NIPBL: variants seen among roughly 807,000 people sequenced by gnomAD.
NIPBL encodes the protein NIPBL cohesin loading factor.
NIPBL carries 19 observed loss-of-function variants against 321.8 expected under a neutral mutation model. That is an observed-to-expected ratio of 0.06 (90% CI 0.04 to 0.09). The LOEUF (loss-of-function observed/expected upper bound fraction) is 0.09, where lower values mean the gene tolerates loss of function less well. Ranked by LOEUF, NIPBL falls within the 10% of genes least tolerant of loss-of-function variation. The pLI, the probability that NIPBL is intolerant of heterozygous loss-of-function variation, is 1.00. For synonymous variants in NIPBL, 1,106 were observed against 1,114.1 expected (o/e 0.99, Z 0.14); for missense variants, 2,210 against 3,327.0 (o/e 0.66, Z 8.26).
At chr5:37,026,594 G>A (rs1750296031) in intron 31 of NIPBL, among the ~76,000 whole-genome samples, 1 of 152,092 alleles carries the variant, frequency 6.6e-6, no homozygotes, top group Non-Finnish European at 1.5e-5. Context: ...AAACAGGGAG[G>A]GAAAGGAGAA....
chr5:36,924,831 C>G (rs189274559), intron 1 of NIPBL, among the ~76,000 whole-genome samples: 1 of 152,188 alleles, frequency 6.6e-6, no homozygotes, highest in Non-Finnish European at 1.5e-5. Flanking sequence ...CCACCCCAGA[C>G]GTTTCCATTT....
chr5:36,958,579 GTA>G (rs926298969), intron 4 of NIPBL, among the ~76,000 whole-genome samples: 3 of 151,986 alleles, frequency 2.0e-5, no homozygotes, highest in African/African-American at 7.3e-5. Context: ...ATTGTAGCAG[GTA>G]TATAGAGTTT....
At chr5:36,947,683 A>T (rs459189) in intron 1 of NIPBL, among the ~76,000 whole-genome samples, 1 of 151,926 alleles carries the variant, frequency 6.6e-6, no homozygotes, top group African/African-American at 2.4e-5. Context: ...AGACTTACTA[A>T]TTTTTTTATT....
intron 11 of NIPBL, among the ~76,000 whole-genome samples, chr5:36,999,578 A>G (rs1746546507): frequency 6.6e-6 from 1 of 152,156 alleles, no homozygotes; most frequent in African/African-American, 2.4e-5. Flanking sequence ...TTGCCAGTTG[A>G]TGAGAGTTGA....
chr5:36,942,734 CAAA>C (rs34936238), intron 1 of NIPBL, among the ~76,000 whole-genome samples: 2 of 94,390 alleles, frequency 2.1e-5, no homozygotes. Context: ...GACTCTGTCT[CAAA>C]AAAAAAAAAA....
At chr5:37,062,253 A>G (rs182955973) in intron 45 of NIPBL, among the ~76,000 whole-genome samples, 1 of 152,380 alleles carries the variant, frequency 6.6e-6, no homozygotes, top group Admixed American at 6.5e-5. Context: ...AGAAAAATAC[A>G]TGGCTTATAT....
intron 1 of NIPBL, among the ~76,000 whole-genome samples, chr5:36,882,794 A>G (rs1338501309): frequency 6.6e-6 from 1 of 151,858 alleles, no homozygotes; most frequent in African/African-American, 2.4e-5. Context: ...GAAGTTAGTG[A>G]CACTGTTTTT....
intron 6 of NIPBL, among the ~76,000 whole-genome samples, chr5:36,968,684 G>A (rs1318085157): frequency 6.6e-6 from 1 of 152,128 alleles, no homozygotes; most frequent in Non-Finnish European, 1.5e-5. Flanking sequence ...AATACAGCAA[G>A]ACCCCATCTG....
Position 36,976,014 on chromosome 5 carries a change from C to T in NIPBL, c.1107C>T (p.Asp369=), listed in dbSNP as rs755805311. The change falls in exon 9 of 47, where the codon GAC becomes GAT. Residue 369 remains aspartate (D), a synonymous_variant. Transcript: ENST00000282516. Reference sequence around the variant, plus strand: ...GACTTTCTCGTGTAAGGTCTTCAGACATGGACCAGCAAGAGGATATGATTT... The same window carrying T: ...GACTTTCTCGTGTAAGGTCTTCAGATATGGACCAGCAAGAGGATATGATTT... ...TLRLSRVRSS[D]MDQQEDMISG... is the part of the protein sequence containing the mutation. 6.2e-7 allele frequency: 1 copy of T among 1,614,034 alleles called. No homozygotes were observed. The highest frequency in any genetic ancestry group is 8.5e-7 in the Non-Finnish European group (1 of 1,179,948).
At chr5:37,043,166 C>T (rs1752623788) in intron 34 of NIPBL, among the ~76,000 whole-genome samples, 1 of 152,130 alleles carries the variant, frequency 6.6e-6, no homozygotes, top group African/African-American at 2.4e-5. Context: ...GTGGCCAAGG[C>T]AGGAGGATCA....
chr5:36,898,980 G>A (rs1746999912), intron 1 of NIPBL, among the ~76,000 whole-genome samples: 1 of 152,076 alleles, frequency 6.6e-6, no homozygotes, highest in Non-Finnish European at 1.5e-5. Context: ...ATTTAAAGTA[G>A]AATTTTAAAA....
chr5:36,882,603 A>G (rs1399182973), intron 1 of NIPBL, among the ~76,000 whole-genome samples: 1 of 151,978 alleles, frequency 6.6e-6, no homozygotes. Flanking sequence ...CTCTTTTTAC[A>G]GAGGAAATTG....
At position 36,958,183 on chromosome 5, in the gene NIPBL, C is replaced by G. The variant is rs772009624; in HGVS notation, c.310C>G (p.Pro104Ala). 14 of 1,613,878 alleles carry G rather than the reference C, an allele frequency of 8.7e-6. No individual in the cohort carries two copies. In the Admixed American group the frequency reaches 2.3e-4, roughly 27 times the overall value. Residue 104 changes from proline (P) to alanine (A), a missense_variant, in exon 4 of 47, where the codon CCT becomes GCT. Transcript: ENST00000282516. ...GTTGCAGGCCGTCCTGGCAAGGAGT[C>G]CTAATGTTTTCAGGGAGAAAAGCAT... ...VLLQAVLARSPNVFREKSMQN... is the reference protein window; with the variant it reads ...VLLQAVLARSANVFREKSMQN...
intron 10 of NIPBL, among the ~76,000 whole-genome samples, chr5:36,987,504 T>G (rs1357678185): frequency 6.6e-6 from 1 of 152,178 alleles, no homozygotes; most frequent in Non-Finnish European, 1.5e-5. Flanking sequence ...TGGTTATTGT[T>G]TTTCATAACA....
Position 36,913,407 on chromosome 5 carries a change from AAGAC to A in NIPBL, c.-80+36234_-80+36237del, listed in dbSNP as rs761471316. On this transcript the variant is annotated intron_variant, in intron 1 of 46. Transcript: ENST00000282516. ...CTTCTTTTTTTTTTTTTTTTTTAAAAAGACAGACTGTCTTGCTCCGTCTCCCAGG... is the reference window on the plus strand; with the variant it reads ...CTTCTTTTTTTTTTTTTTTTTTAAAAAGACTGTCTTGCTCCGTCTCCCAGG... Among the ~76,000 whole-genome samples, 66 of 150,886 alleles carry A rather than the reference AAGAC, an allele frequency of 4.4e-4. 1 individual carries two copies. Among genetic ancestry groups the A allele is most frequent in the Admixed American group, 1.6e-3 (25 of 15,182 alleles).
chr5:36,962,259 C>G lies in NIPBL; in HGVS notation c.595C>G (p.Pro199Ala). 6.2e-7 allele frequency: 1 copy of G among 1,614,032 alleles called. No homozygotes were observed. Among genetic ancestry groups the G allele is most frequent in the East Asian group, 2.2e-5 (1 of 44,880 alleles). Reference sequence around the variant, plus strand: ...CCATCCTTCAAGTTACACAACACATCCACAGATGCAACAAGGTAAGAAAGT... The same window carrying G: ...CCATCCTTCAAGTTACACAACACATGCACAGATGCAACAAGGTAAGAAAGT... ...YSHPSSYTTH[P>A]QMQQASVSSP... Residue 199 changes from proline to alanine, a missense_variant, in exon 6 of 47, where the codon CCA becomes GCA. Coordinates refer to ENST00000282516, the MANE Select transcript of NIPBL (RefSeq NM_133433.4).
In NIPBL at chr5:36,976,128, A is replaced by G. The variant is rs886042232; in HGVS notation, c.1221A>G (p.Pro407=). 1.2e-6 allele frequency: 2 copies of G among 1,613,874 alleles called. No homozygotes were observed. Among genetic ancestry groups the G allele is most frequent in the African/African-American group, 1.3e-5 (1 of 74,916 alleles). Residue 407 remains proline, a synonymous_variant, in exon 9 of 47, where the codon CCA becomes CCG. Transcript: ENST00000282516. ...AGACTTCAAAAACACCCATTACTCC[A>G]CAAGATATAAACCGCCCACTAAATG... ...PGQTSKTPIT[P]QDINRPLNAA...
At chr5:36,878,905 A>G (rs538152290) in intron 1 of NIPBL, among the ~76,000 whole-genome samples, 48 of 145,924 alleles carry the variant, frequency 3.3e-4, no homozygotes, top group African/African-American at 1.2e-3. Flanking sequence ...CTAATCTCCC[A>G]TTCCTGTCTT....
intron 1 of NIPBL, among the ~76,000 whole-genome samples, chr5:36,940,218 A>G (rs1300437208): frequency 6.6e-6 from 1 of 152,198 alleles, no homozygotes; most frequent in Non-Finnish European, 1.5e-5. Flanking sequence ...AGGAGTATAT[A>G]CAGCCTTGTG....
Sources: gnomAD v4.1 joint callset for allele counts (sites outside exome capture counted in the v4.1 genomes callset) on GRCh38, gnomAD v4.1.1 for gene constraint, MANE v1.5 for transcripts, NCBI Gene and HGNC (gene_info 2026-07-23, HGNC 2026-07-21) for gene names.